Variants in ZYG11B observed in about 807,000 individuals in gnomAD.
The protein encoded by ZYG11B is zyg-11 family member B, cell cycle regulator.
Under a neutral mutation model 82.4 loss-of-function variants are expected in ZYG11B, and 36 were observed. The observed-to-expected ratio is 0.44, with a 90% CI of 0.33 to 0.58. The LOEUF is 0.58. Ranked by LOEUF, ZYG11B falls within the 20% of genes least tolerant of loss-of-function variation. ZYG11B has a pLI of 0.02. For synonymous variants in ZYG11B, 303 were observed against 312.8 expected, an observed-to-expected ratio of 0.97 and a Z score of 0.33; for missense variants, 552 against 895.6, an observed-to-expected ratio of 0.62 and a Z score of 4.90.
rs1387353778 is a variant in ZYG11B at position 52,824,647 on chromosome 1, A to G, written c.*3018A>G. ...GAGTAAGACTCCGTCTCAAAAAAAAAAAAAGCATAATAATTTATTACATCC... is the reference window on the plus strand; with the variant it reads ...GAGTAAGACTCCGTCTCAAAAAAAAGAAAAGCATAATAATTTATTACATCC... On this transcript the variant is annotated 3_prime_UTR_variant, in exon 14 of 14. Transcript: ENST00000294353. 1 of 152,212 alleles carries G rather than the reference A, an allele frequency of 6.6e-6. No homozygotes were observed. Among genetic ancestry groups the G allele is most frequent in the East Asian group, 1.9e-4 (1 of 5,186 alleles). The allele number at this position is 152,212 out of a possible 1,614,324, so 9.4% of individuals were successfully genotyped here. A position where few individuals can be genotyped will look rare whatever the true frequency, so the allele number is the denominator to read the frequency against.
At chr1:52,810,632 C>G (rs1645174523) in intron 10 of ZYG11B, among the ~76,000 whole-genome samples, 1 of 152,182 alleles carries the variant, frequency 6.6e-6, no homozygotes, top group South Asian at 2.1e-4. Flanking sequence ...ATCTTGAGAA[C>G]TGTTTTTCCA....
intron 3 of ZYG11B, among the ~76,000 whole-genome samples, chr1:52,775,299 A>G (rs562541514): frequency 1.3e-4 from 20 of 152,250 alleles, no homozygotes; most frequent in Admixed American, 5.2e-4. Flanking sequence ...GAAGGTACAT[A>G]AATGTTTTTT....
At chr1:52,767,150 GTTATT>G (rs201142997) in intron 2 of ZYG11B, among the ~76,000 whole-genome samples, 2,568 of 136,534 alleles carry the variant, frequency 0.019, 32 homozygotes, top group Middle Eastern at 0.081. Flanking sequence ...ATGTTGTTTT[GTTATT>G]TTATTTTATG....
At chr1:52,815,250 C>T (rs1314468404) in intron 12 of ZYG11B, among the ~76,000 whole-genome samples, 1 of 151,968 alleles carries the variant, frequency 6.6e-6, no homozygotes, top group African/African-American at 2.4e-5. Context: ...ACCTATAATC[C>T]CAACACTTTG....
intron 5 of ZYG11B, among the ~76,000 whole-genome samples, chr1:52,785,292 C>T (rs916744637): frequency 6.6e-6 from 1 of 152,124 alleles, no homozygotes; most frequent in African/African-American, 2.4e-5. Flanking sequence ...CCTCCTAGAT[C>T]TTGAGTTTGT....
intron 12 of ZYG11B, among the ~76,000 whole-genome samples, chr1:52,814,625 A>G (rs1303900331): frequency 6.6e-6 from 1 of 152,132 alleles, no homozygotes; most frequent in African/African-American, 2.4e-5. Context: ...ACTTGAGCCC[A>G]GGAGTTTGAG....
At chr1:52,738,700 A>C (rs1019689945) in intron 1 of ZYG11B, among the ~76,000 whole-genome samples, 11 of 150,224 alleles carry the variant, frequency 7.3e-5, no homozygotes, top group Non-Finnish European at 1.6e-4. Flanking sequence ...GCCTCCCCAC[A>C]ACCTCACCTC....
In ZYG11B at chr1:52,726,640, A is replaced by G. The variant is rs1330461062; in HGVS notation, c.-14A>G. The G allele has an allele frequency of 4.1e-6, 6 of 1,463,548 alleles. No individual in the cohort carries two copies. The highest frequency in any genetic ancestry group is 5.4e-6 in the Non-Finnish European group (6 of 1,113,796). The allele number at this position is 1,463,548 out of a possible 1,614,324, so 90.7% of individuals were successfully genotyped here. ...TCCGGTCCGGCCCGCCGCCGCACCC[A>G]GGACGGAGGCTGCATGCCCGAGGAC... is the stretch of plus-strand genomic sequence containing the variant. On this transcript the variant is annotated 5_prime_UTR_variant, in exon 1 of 14. Coordinates refer to ENST00000294353, the MANE Select transcript of ZYG11B (RefSeq NM_024646.3).
rs1289927753 is a variant in ZYG11B, at chr1:52,825,059, A to T, written c.*3430A>T. 3 of 152,190 alleles carry T rather than the reference A, an allele frequency of 2.0e-5. No individual in the cohort carries two copies. Among genetic ancestry groups the T allele is most frequent in the Non-Finnish European group, 4.4e-5 (3 of 68,030 alleles). The allele number at this position is 152,190 out of a possible 1,614,324, so 9.4% of individuals were successfully genotyped here. On this transcript the variant is annotated 3_prime_UTR_variant, in exon 14 of 14. Coordinates refer to ENST00000294353, the MANE Select transcript of ZYG11B (RefSeq NM_024646.3). ...AAGGAAATGGAATTTGACTTTTTAG[A>T]GTATAATGATGTTCTAGGGCATAAT...
chr1:52,782,051 CTATT>C (rs914575808), intron 4 of ZYG11B, among the ~76,000 whole-genome samples: 40 of 151,692 alleles, frequency 2.6e-4, no homozygotes, highest in African/African-American at 5.8e-4. Flanking sequence ...AGAATATAGG[CTATT>C]TATTTATTTA....
intron 1 of ZYG11B, among the ~76,000 whole-genome samples, chr1:52,734,385 T>C (rs1644359737): frequency 6.6e-6 from 1 of 151,990 alleles, no homozygotes; most frequent in Admixed American, 6.6e-5. Context: ...AAACTAGCTC[T>C]TAAAGTATAT....
At position 52,806,794 on chromosome 1, in the gene ZYG11B, T is replaced by C. The variant is rs115855573; in HGVS notation, c.1695+4655T>C. 7.0e-3 allele frequency among the ~76,000 whole-genome samples: 1,062 copies of C among 152,304 alleles called. 21 individuals are homozygous for C. Among genetic ancestry groups the C allele is most frequent in the African/African-American group, 0.025 (1,020 of 41,580 alleles). On this transcript the variant is annotated intron_variant, in intron 10 of 13. Coordinates refer to ENST00000294353, the MANE Select transcript of ZYG11B (RefSeq NM_024646.3). ...AATATCTGTTTTTTATTTGGGGTAT[T>C]TGGATCATTTACATTTCCTGTGATT...
chr1:52,817,805 ATATATATATATT>A (rs1645245377), intron 13 of ZYG11B, among the ~76,000 whole-genome samples: 1 of 40,424 alleles, frequency 2.5e-5, no homozygotes, highest in African/African-American at 1.0e-4. Context: ...ATATATATAT[ATATATATATATT>A]TTTTTTTTTT....
chr1:52,793,873 T>C (rs1644980754), intron 6 of ZYG11B, among the ~76,000 whole-genome samples: 1 of 125,232 alleles, frequency 8.0e-6, no homozygotes, highest in Admixed American at 8.9e-5. Flanking sequence ...CTTTCTTTCC[T>C]TCCTTCCTTC....
intron 10 of ZYG11B, among the ~76,000 whole-genome samples, chr1:52,811,359 A>G (rs1366985916): frequency 6.6e-6 from 1 of 152,174 alleles, no homozygotes; most frequent in African/African-American, 2.4e-5. Context: ...GACTTCAGTT[A>G]TAAGCATGTT....
intron 1 of ZYG11B, among the ~76,000 whole-genome samples, chr1:52,749,172 C>T (rs1186562856): frequency 6.6e-6 from 1 of 152,096 alleles, no homozygotes; most frequent in Non-Finnish European, 1.5e-5. Context: ...CATTGCATTC[C>T]AGCTTGGACA....
chr1:52,747,764 A>G (rs946570740), intron 1 of ZYG11B, among the ~76,000 whole-genome samples: 1 of 152,178 alleles, frequency 6.6e-6, no homozygotes, highest in African/African-American at 2.4e-5. Context: ...GGAATCAGAT[A>G]TAAAGGGCAG....
At position 52,726,503 on chromosome 1, in the gene ZYG11B, T is replaced by C. The variant is rs1029542624; in HGVS notation, c.-151T>C. Reference sequence around the variant, plus strand: ...CGGCTGCGGCTGCGGCTGCGGCTGCTACTGCTACGCTCCTAGCTTGAGGGA... The same window carrying C: ...CGGCTGCGGCTGCGGCTGCGGCTGCCACTGCTACGCTCCTAGCTTGAGGGA... On this transcript the variant is annotated 5_prime_UTR_variant, in exon 1 of 14. Coordinates refer to ENST00000294353, the MANE Select transcript of ZYG11B (RefSeq NM_024646.3). 3.0e-6 allele frequency: 2 copies of C among 665,422 alleles called. No homozygotes were observed. The highest frequency in any genetic ancestry group is 2.1e-6 in the Non-Finnish European group (1 of 466,512). 41.2% of individuals were successfully genotyped at this position (665,422 alleles called of 1,614,324 possible). A position where few individuals can be genotyped will look rare whatever the true frequency, so the allele number is the denominator to read the frequency against.
chr1:52,740,498 C>T (rs1310593576), intron 1 of ZYG11B, among the ~76,000 whole-genome samples: 2 of 151,712 alleles, frequency 1.3e-5, no homozygotes, highest in African/African-American at 4.8e-5. Flanking sequence ...CCAAATAGTT[C>T]AATATCTCCA....
Sources: allele counts gnomAD v4.1 joint callset (sites outside exome capture counted in the v4.1 genomes callset), GRCh38; gene constraint gnomAD v4.1.1; transcripts MANE v1.5; gene names NCBI Gene and HGNC (gene_info 2026-07-23, HGNC 2026-07-21).